Variants in EEFSEC observed in about 807,000 individuals in gnomAD.
The protein encoded by EEFSEC is selenocysteine-specific elongation factor.
A neutral mutation model predicts 42.1 loss-of-function variants in EEFSEC; 43 were observed. That is an observed-to-expected ratio of 1.02 (90% confidence interval 0.80 to 1.32). The LOEUF (loss-of-function observed/expected upper bound fraction) is 1.32. EEFSEC is among the 40% of genes most tolerant of loss of function. EEFSEC has a pLI of 0.00. For missense variants in EEFSEC, 745 were observed against 803.6 expected (o/e 0.93, Z 0.88); for synonymous variants, 354 against 339.1 (o/e 1.04, Z -0.48).
chr3:128,321,132 CAG>C (rs971257890), intron 4 of EEFSEC, among the ~76,000 whole-genome samples: 1 of 152,118 alleles, frequency 6.6e-6, no homozygotes, highest in African/African-American at 2.4e-5. Context: ...AGTGGAGCTT[CAG>C]AGAGACTGGG....
chr3:128,308,862 A>G (rs1489505136), intron 4 of EEFSEC, among the ~76,000 whole-genome samples: 1 of 152,218 alleles, frequency 6.6e-6, no homozygotes, highest in Admixed American at 6.5e-5. Flanking sequence ...AGGTGCATAG[A>G]GCCGGAGCTT....
chr3:128,423,455 G>T, the EEFSEC span, among the ~76,000 whole-genome samples: 1 of 151,236 alleles, frequency 6.6e-6, no homozygotes, highest in Non-Finnish European at 1.5e-5. Flanking sequence ...CTCCAGCCTG[G>T]GTGACAGAGC....
At chr3:128,206,560 T>G (rs1217925130) in intron 1 of EEFSEC, among the ~76,000 whole-genome samples, 1 of 152,166 alleles carries the variant, frequency 6.6e-6, no homozygotes, top group African/African-American at 2.4e-5. Context: ...GAATAGGACA[T>G]ATAAACAGCT....
Position 128,408,394 on chromosome 3 carries a change from T to C in EEFSEC, c.*135T>C. On this transcript the variant is annotated 3_prime_UTR_variant, in exon 7 of 7. Coordinates refer to ENST00000254730, the MANE Select transcript of EEFSEC (RefSeq NM_021937.5). ...CAGCAGCAGCCCCCACCCCCAAGCT[T>C]GGTGCTGAGCCCTGGTGAGGAGCTG... The C allele has an allele frequency of 1.0e-6, 1 of 996,458 alleles. No homozygotes were observed. The highest frequency in any genetic ancestry group is 1.4e-6 in the Non-Finnish European group (1 of 694,398). 61.7% of individuals were successfully genotyped at this position (996,458 alleles called of 1,614,324 possible).
At chr3:128,315,383 A>AGTTGAGT (rs1357537048) in intron 4 of EEFSEC, among the ~76,000 whole-genome samples, 1 of 152,156 alleles carries the variant, frequency 6.6e-6, no homozygotes, top group African/African-American at 2.4e-5. Flanking sequence ...TGATGACCAC[A>AGTTGAGT]GTTGAGTTTG....
intron 6 of EEFSEC, among the ~76,000 whole-genome samples, chr3:128,378,105 TA>T (rs2067730573): frequency 6.6e-6 from 1 of 152,222 alleles, no homozygotes. Context: ...CACTGGGGAC[TA>T]GAGTACCTCT....
intron 6 of EEFSEC, among the ~76,000 whole-genome samples, chr3:128,381,807 C>T (rs1023243091): frequency 1.3e-5 from 2 of 152,106 alleles, no homozygotes; most frequent in East Asian, 1.9e-4. Context: ...AGACCTGGCC[C>T]GGGGTTCAGA....
At chr3:128,302,660 T>C (rs1477352997) in intron 4 of EEFSEC, among the ~76,000 whole-genome samples, 1 of 152,168 alleles carries the variant, frequency 6.6e-6, no homozygotes, top group Non-Finnish European at 1.5e-5. Context: ...TGGGAAATTC[T>C]AACAGCACGA....
intron 4 of EEFSEC, among the ~76,000 whole-genome samples, chr3:128,281,859 T>C (rs987827257): frequency 1.3e-5 from 2 of 152,206 alleles, no homozygotes; most frequent in African/African-American, 4.8e-5. Context: ...TGTTTTGTAG[T>C]TGACAGTGTG....
the EEFSEC span, among the ~76,000 whole-genome samples, chr3:128,422,725 C>T: frequency 6.6e-6 from 1 of 152,222 alleles, no homozygotes; most frequent in African/African-American, 2.4e-5. Context: ...ACATCCCGTC[C>T]CCTGACAAGG....
chr3:128,247,472 T>C (rs1264810214), intron 2 of EEFSEC, among the ~76,000 whole-genome samples: 1 of 152,234 alleles, frequency 6.6e-6, no homozygotes, highest in African/African-American at 2.4e-5. Context: ...TGCTATCTGC[T>C]TCTCTACAAC....
At chr3:128,381,871 C>T (rs2067780379) in intron 6 of EEFSEC, among the ~76,000 whole-genome samples, 1 of 152,158 alleles carries the variant, frequency 6.6e-6, no homozygotes, top group South Asian at 2.1e-4. Context: ...AAAGATGTTC[C>T]TTTCCCTGAG....
chr3:128,362,001 GC>G (rs771265692), intron 6 of EEFSEC, among the ~76,000 whole-genome samples: 40 of 152,210 alleles, frequency 2.6e-4, no homozygotes, highest in Non-Finnish European at 4.4e-4. Flanking sequence ...TGAGGGCTTT[GC>G]CCACGGTCTG....
At chr3:128,250,723 C>G (rs918357747) in intron 2 of EEFSEC, among the ~76,000 whole-genome samples, 3 of 152,064 alleles carry the variant, frequency 2.0e-5, no homozygotes, top group Non-Finnish European at 4.4e-5. Flanking sequence ...ATCTGGTGCT[C>G]CTTGCAGTTC....
At chr3:128,302,709 T>A (rs1255419630) in intron 4 of EEFSEC, among the ~76,000 whole-genome samples, 1 of 152,132 alleles carries the variant, frequency 6.6e-6, no homozygotes, top group Non-Finnish European at 1.5e-5. Context: ...TCCTCCTCTA[T>A]CCCAAACCCA....
intron 4 of EEFSEC, among the ~76,000 whole-genome samples, chr3:128,295,612 T>C (rs1030940060): frequency 1.3e-4 from 20 of 149,892 alleles, no homozygotes; most frequent in Middle Eastern, 3.4e-3. Flanking sequence ...TTTTTTTTTT[T>C]AAATCTTCCT....
At chr3:128,278,587 G>T (rs1171899649) in intron 4 of EEFSEC, among the ~76,000 whole-genome samples, 3 of 152,262 alleles carry the variant, frequency 2.0e-5, no homozygotes, top group Non-Finnish European at 4.4e-5. Context: ...TTTATGTGCT[G>T]TTGGTGGCTC....
intron 4 of EEFSEC, among the ~76,000 whole-genome samples, chr3:128,277,109 G>C (rs942720975): frequency 6.6e-6 from 1 of 152,246 alleles, no homozygotes; most frequent in Non-Finnish European, 1.5e-5. Context: ...CCTGCAGTCT[G>C]TGTCGGGCCC....
Position 128,346,405 on chromosome 3 carries a change from A to G in EEFSEC, c.1443+4516A>G, listed in dbSNP as rs898426915. On this transcript the variant is annotated intron_variant, in intron 5 of 6. Coordinates refer to ENST00000254730, the MANE Select transcript of EEFSEC (RefSeq NM_021937.5). ...TTTTTTATTGTTTTGCGTGTCTGCT[A>G]TGATGAAATATACTGTTTTAAGTTT... 4.1e-4 allele frequency among the ~76,000 whole-genome samples: 63 copies of G among 152,352 alleles called. 1 individual carries two copies. The highest frequency in any genetic ancestry group is 3.4e-3 in the Middle Eastern group (1 of 294).
Sources: allele counts gnomAD v4.1 joint callset (sites outside exome capture counted in the v4.1 genomes callset), GRCh38; gene constraint gnomAD v4.1.1; transcripts MANE v1.5; gene names NCBI Gene and HGNC (gene_info 2026-07-23, HGNC 2026-07-21).